SEMA5B: variants seen among roughly 807,000 people sequenced by gnomAD.
SEMA5B encodes the protein semaphorin-5B.
In SEMA5B, 66 loss-of-function variants were observed where a neutral mutation model predicts 135.0. The ratio of observed to expected loss-of-function variants is 0.49; its 90% CI spans 0.40 to 0.60. The LOEUF (loss-of-function observed/expected upper bound fraction) is 0.60, where lower values mean the gene tolerates loss of function less well. Among genes scored for constraint, SEMA5B ranks in the 20% least tolerant of loss-of-function variants. The pLI is 0.00. For synonymous variants in SEMA5B, 690 were observed against 639.5 expected, an observed-to-expected ratio of 1.08 and a Z score of -1.19; for missense variants, 1,501 against 1,566.3, an observed-to-expected ratio of 0.96 and a Z score of 0.70.
intron 12 of SEMA5B, among the ~76,000 whole-genome samples, chr3:122,919,243 G>T (rs920720587): frequency 2.6e-5 from 4 of 152,152 alleles, no homozygotes; most frequent in African/African-American, 4.8e-5. Context: ...GCAGCCAGGG[G>T]AGATCTGTGA....
intron 1 of SEMA5B, among the ~76,000 whole-genome samples, chr3:123,007,241 G>T (rs540211001): frequency 6.6e-6 from 1 of 152,088 alleles, no homozygotes; most frequent in South Asian, 2.1e-4. Context: ...AGGAGCTGAG[G>T]GTGGACAAGG....
chr3:122,914,006 C>A lies in SEMA5B; in HGVS notation c.1989-5G>T, dbSNP rs1186435354. 4 of 1,577,164 alleles carry A rather than the reference C, an allele frequency of 2.5e-6. No homozygotes were observed. The highest frequency in any genetic ancestry group is 1.8e-5 in the Admixed American group (1 of 56,948). ...CACGGGGTCCACGCCCCATTCCTGG[C>A]GGGGTGGGAGGGGACAGAGACAGAT... On this transcript the variant is annotated splice_region_variant and splice_polypyrimidine_tract_variant and intron_variant, in intron 14 of 22. Coordinates refer to ENST00000357599, the MANE Select transcript of SEMA5B (RefSeq NM_001031702.4).
At chr3:122,926,301 G>T in intron 9 of SEMA5B, 91 bp downstream of exon 9, 1 of 1,265,974 alleles carries the variant, frequency 7.9e-7, no homozygotes, top group Non-Finnish European at 1.1e-6. Flanking sequence ...AGGCACGGCA[G>T]TCCCCATTTT....
chr3:122,924,134 AAT>A (rs1462829822), intron 9 of SEMA5B, among the ~76,000 whole-genome samples: 3 of 152,166 alleles, frequency 2.0e-5, no homozygotes, highest in Non-Finnish European at 4.4e-5. Context: ...ACCCTTACTA[AAT>A]ATGTTAACAC....
At chr3:122,988,992 C>T (rs1301314699) in intron 1 of SEMA5B, among the ~76,000 whole-genome samples, 2 of 152,238 alleles carry the variant, frequency 1.3e-5, no homozygotes, top group African/African-American at 2.4e-5. Context: ...GTAATCCCAC[C>T]TGCTGGGGAG....
intron 1 of SEMA5B, among the ~76,000 whole-genome samples, chr3:122,986,743 G>T (rs935101328): frequency 1.3e-5 from 2 of 152,010 alleles, no homozygotes; most frequent in Non-Finnish European, 2.9e-5. Context: ...TTGCCAAGGG[G>T]GTGTCCACTC....
intron 1 of SEMA5B, among the ~76,000 whole-genome samples, chr3:122,962,281 T>C (rs531665586): frequency 6.6e-6 from 1 of 152,352 alleles, no homozygotes; most frequent in African/African-American, 2.4e-5. Flanking sequence ...GACTCATCTG[T>C]GACTGAATTT....
intron 4 of SEMA5B, among the ~76,000 whole-genome samples, chr3:122,943,166 G>A (rs528415637): frequency 6.6e-6 from 1 of 152,156 alleles, no homozygotes; most frequent in Non-Finnish European, 1.5e-5. Context: ...CGGGCAGGAG[G>A]TGGCCAGCAG....
chr3:123,016,334 C>T (rs1274720772), intron 1 of SEMA5B, among the ~76,000 whole-genome samples: 2 of 152,140 alleles, frequency 1.3e-5, no homozygotes, highest in Non-Finnish European at 2.9e-5. Context: ...GGGACCAGTC[C>T]CAGGACCTCC....
At chr3:122,981,477 T>C (rs1941519726) in intron 1 of SEMA5B, among the ~76,000 whole-genome samples, 1 of 152,214 alleles carries the variant, frequency 6.6e-6, no homozygotes. Context: ...GGAAATAAGG[T>C]CACTACATCC....
chr3:122,998,195 G>A (rs1279813652), intron 1 of SEMA5B, among the ~76,000 whole-genome samples: 1 of 152,002 alleles, frequency 6.6e-6, no homozygotes, highest in Admixed American at 6.5e-5. Flanking sequence ...CATCCACAAA[G>A]CCAAGGCCCA....
chr3:122,941,290 A>G (rs1939547652), intron 4 of SEMA5B, among the ~76,000 whole-genome samples: 1 of 152,206 alleles, frequency 6.6e-6, no homozygotes, highest in Non-Finnish European at 1.5e-5. Flanking sequence ...TGTCCATCTG[A>G]GGGCATAGCC....
chr3:123,004,145 C>T (rs1336674071), intron 1 of SEMA5B, among the ~76,000 whole-genome samples: 8 of 152,286 alleles, frequency 5.3e-5, no homozygotes, highest in Middle Eastern at 3.4e-3. Flanking sequence ...GCTGTTACTC[C>T]GGGAGGAGGT....
chr3:122,914,771 C>CA (rs1174345563), intron 14 of SEMA5B, among the ~76,000 whole-genome samples: 1 of 152,058 alleles, frequency 6.6e-6, no homozygotes, highest in Non-Finnish European at 1.5e-5. Flanking sequence ...CCTGTTTCTA[C>CA]AAAAAATTTT....
chr3:122,955,543 C>T (rs1285613992), intron 2 of SEMA5B, among the ~76,000 whole-genome samples: 1 of 152,190 alleles, frequency 6.6e-6, no homozygotes, highest in African/African-American at 2.4e-5. Context: ...ATTTCTATTT[C>T]TAACACGTCT....
rs1437835912 is a variant in SEMA5B, at chr3:122,914,001, C to A, written c.1989G>T (p.Arg663Ser). 1.3e-6 allele frequency: 2 copies of A among 1,582,712 alleles called. No homozygotes were observed. The highest frequency in any genetic ancestry group is 1.7e-5 in the Admixed American group (1 of 57,374). Residue 663 changes from arginine (R) to serine (S), a missense_variant and splice_region_variant, in exon 15 of 23, where the codon AGG becomes AGT. Around this residue, in one of 2 missense-constraint regions of SEMA5B, gnomAD observed 927 missense variants for 881.6 expected, o/e 1.05. Transcript: ENST00000357599. ...GPAIHIANCS[R>S]NGAWTPWSSW... ...ATGACCACGGGGTCCACGCCCCATT[C>A]CTGGCGGGGTGGGAGGGGACAGAGA...
Position 122,913,266 on chromosome 3 carries a change from C to A in SEMA5B, c.2439G>T (p.Gln813His). 6.3e-7 allele frequency: 1 copy of A among 1,585,328 alleles called. No homozygotes were observed. The highest frequency in any genetic ancestry group is 8.5e-7 in the Non-Finnish European group (1 of 1,174,290). ...TCGTCTCGGTCCTTCTCCTGCCGAA[C>A]TGCAGGCCGTGCGGGTCTGCAAGGG... ...RAPLADPHGL[Q>H]FGRRRTETRT... Residue 813 changes from glutamine (Q) to histidine (H), a missense_variant, in exon 17 of 23, where the codon CAG becomes CAT. Gln to His is a conservative substitution (Grantham distance 24). Coordinates refer to ENST00000357599, the MANE Select transcript of SEMA5B (RefSeq NM_001031702.4).
At chr3:122,942,550 G>A (rs1027586576) in intron 4 of SEMA5B, among the ~76,000 whole-genome samples, 1 of 152,208 alleles carries the variant, frequency 6.6e-6, no homozygotes, top group Non-Finnish European at 1.5e-5. Flanking sequence ...AGACCTGGCT[G>A]TAGTCCCCAC....
At chr3:122,960,735 C>T (rs1467808605) in intron 2 of SEMA5B, among the ~76,000 whole-genome samples, 1 of 152,214 alleles carries the variant, frequency 6.6e-6, no homozygotes, top group East Asian at 1.9e-4. Context: ...AAGATAAACA[C>T]TGCATGATTC....
Sources: allele counts gnomAD v4.1 joint callset (sites outside exome capture counted in the v4.1 genomes callset), GRCh38; gene constraint gnomAD v4.1.1; regional missense constraint gnomAD v4.1.1; transcripts MANE v1.5; gene names NCBI Gene and HGNC (gene_info 2026-07-23, HGNC 2026-07-21).